Variants in GRAMD1B observed in about 807,000 individuals in gnomAD.
GRAMD1B encodes protein Aster-B.
In GRAMD1B, 37 loss-of-function variants were observed where a neutral mutation model predicts 99.7. That is an observed-to-expected ratio of 0.37 (90% CI 0.29 to 0.49). GRAMD1B has a LOEUF of 0.49. GRAMD1B is among the 20% of genes least tolerant of loss of function. The pLI, the probability that GRAMD1B is intolerant of heterozygous loss-of-function variation, is 0.98. For synonymous variants in GRAMD1B, 427 were observed against 387.6 expected, an observed-to-expected ratio of 1.10 and a Z score of -1.19; for missense variants, 888 against 1,009.2, an observed-to-expected ratio of 0.88 and a Z score of 1.63.
intron 1 of GRAMD1B, among the ~76,000 whole-genome samples, chr11:123,471,002 A>T (rs1329904408): frequency 6.6e-6 from 1 of 152,204 alleles, no homozygotes; most frequent in Non-Finnish European, 1.5e-5. Flanking sequence ...ATTTTTAATT[A>T]ATTTAAATTT....
rs1441106873 is a variant in GRAMD1B, at chr11:123,589,860, CA to C, written c.685-4221del. ...ATTACCAAGACTCCTAAGACAAAAG[CA>C]CCATTCCTAATCCTATGCGGGCCAA... On this transcript the variant is annotated intron_variant, in intron 4 of 19. Coordinates refer to ENST00000635736, the MANE Select transcript of GRAMD1B (RefSeq NM_001387025.1). Among the ~76,000 whole-genome samples, 8 of 152,170 alleles carry C rather than the reference CA, an allele frequency of 5.3e-5. No homozygotes were observed. The East Asian group carries it at 1.5e-3, about 29-fold the overall frequency.
At chr11:123,530,432 A>G (rs944406513) in intron 2 of GRAMD1B, among the ~76,000 whole-genome samples, 3 of 152,024 alleles carry the variant, frequency 2.0e-5, no homozygotes, top group African/African-American at 7.2e-5. Flanking sequence ...GGCTGGAGTG[A>G]AGTGGCGAGA....
intron 7 of GRAMD1B, among the ~76,000 whole-genome samples, chr11:123,596,483 A>G (rs756401284): frequency 5.9e-5 from 9 of 152,256 alleles, no homozygotes; most frequent in Admixed American, 3.3e-4. Context: ...GGAGTCTGAT[A>G]GAAAATGGAT....
intron 1 of GRAMD1B, among the ~76,000 whole-genome samples, chr11:123,436,759 T>G (rs1178316081): frequency 6.6e-6 from 1 of 152,220 alleles, no homozygotes; most frequent in Non-Finnish European, 1.5e-5. Context: ...CGGCACAATT[T>G]TTTTTTATTA....
intron 2 of GRAMD1B, among the ~76,000 whole-genome samples, chr11:123,513,582 C>T (rs1296436389): frequency 6.2e-4 from 40 of 64,060 alleles, no homozygotes; most frequent in African/African-American, 2.9e-3. Flanking sequence ...CCTTCCTTTC[C>T]TTCCTTCCTT....
Position 123,623,677 on chromosome 11 carries a change from A to C in GRAMD1B, c.*1082A>C, listed in dbSNP as rs971044214. 1 of 152,248 alleles carries C rather than the reference A, an allele frequency of 6.6e-6. No individual in the cohort carries two copies. The highest frequency in any genetic ancestry group is 2.4e-5 in the African/African-American group (1 of 41,452). The allele number at this position is 152,248 out of a possible 1,614,324, so 9.4% of individuals were successfully genotyped here. ...GGTTGCCAGCCTCATTTGCTCTTTGAACGAACCAACATTAGCCAGTGGAGA... is the reference window on the plus strand; with the variant it reads ...GGTTGCCAGCCTCATTTGCTCTTTGCACGAACCAACATTAGCCAGTGGAGA... On this transcript the variant is annotated 3_prime_UTR_variant, in exon 20 of 20. Transcript: ENST00000635736.
rs745391808 is a variant in GRAMD1B, at chr11:123,610,779, G to A, written c.1919+441G>A. ...ACCTGTGCTCTGTCCACCATGCTGC[G>A]TGGATTGCCATTAGTGTTAGACAGT... On this transcript the variant is annotated intron_variant, in intron 14 of 19. Transcript: ENST00000635736. This position sits in a 1 kb window ranked among gnomAD's most constrained non-coding sequence, Gnocchi z 4.1. Among the ~76,000 whole-genome samples, 4 of 152,298 alleles carry A rather than the reference G, an allele frequency of 2.6e-5. No individual in the cohort carries two copies. The highest frequency in any genetic ancestry group is 2.1e-4 in the South Asian group (1 of 4,822).
intron 2 of GRAMD1B, among the ~76,000 whole-genome samples, chr11:123,485,890 T>A (rs955464209): frequency 6.6e-6 from 1 of 151,940 alleles, no homozygotes; most frequent in East Asian, 1.9e-4. Flanking sequence ...AACTTTTGTA[T>A]TTTTTGGTAG....
chr11:123,511,512 G>C (rs1237735312), intron 2 of GRAMD1B, among the ~76,000 whole-genome samples: 1 of 152,140 alleles, frequency 6.6e-6, no homozygotes, highest in Non-Finnish European at 1.5e-5. Context: ...CAGACAAGGA[G>C]TTAGAGCCAT....
At chr11:123,517,291 A>G (rs1219653389) in intron 2 of GRAMD1B, among the ~76,000 whole-genome samples, 1 of 152,240 alleles carries the variant, frequency 6.6e-6, no homozygotes, top group Admixed American at 6.5e-5. Flanking sequence ...CAATGCAAAA[A>G]TATTCCCAAC....
At chr11:123,427,627 A>G (rs188228253), upstream of GRAMD1B, among the ~76,000 whole-genome samples, 20 of 152,364 alleles carry the variant, frequency 1.3e-4, no homozygotes, top group Non-Finnish European at 2.2e-4. Flanking sequence ...AAACAGCTGG[A>G]AAGGGCTGAA....
At chr11:123,578,487 A>T (rs537639764) in intron 3 of GRAMD1B, 39 of 1,236,148 alleles carry the variant, frequency 3.2e-5, no homozygotes, top group Non-Finnish European at 4.5e-5. Flanking sequence ...ATCTGTCTGT[A>T]GTGCTCAGCA....
rs747612717 is a variant in GRAMD1B, at chr11:123,619,154, A to T, written c.2474A>T (p.Gln825Leu). 6.4e-7 allele frequency: 1 copy of T among 1,571,398 alleles called. No individual in the cohort carries two copies. The highest frequency in any genetic ancestry group is 8.6e-7 in the Non-Finnish European group (1 of 1,158,170). The stretch of plus-strand genomic sequence containing the variant: ...TGGGCCCAGCTCTTAGAGTCCCAAC[A>T]AAAGTACCACGATACTGAGCTCCAA... ...TEWAQLLESQ[Q>L]KYHDTELQKW... Residue 825 changes from glutamine to leucine, a missense_variant, in exon 19 of 20, where the codon CAA becomes CTA. Gln to Leu is a moderately radical substitution (Grantham distance 113). Coordinates refer to ENST00000635736, the MANE Select transcript of GRAMD1B (RefSeq NM_001387025.1).
chr11:123,514,396 C>G (rs545517000), intron 2 of GRAMD1B, among the ~76,000 whole-genome samples: 2 of 152,248 alleles, frequency 1.3e-5, no homozygotes, highest in African/African-American at 4.8e-5. Context: ...CTTGGCCTTC[C>G]CTGGTCTCAG....
intron 2 of GRAMD1B, among the ~76,000 whole-genome samples, chr11:123,541,220 C>G (rs139214267): frequency 1.3e-5 from 2 of 152,266 alleles, no homozygotes; most frequent in East Asian, 3.9e-4. Context: ...AGGTGATCCA[C>G]CTGCCTCGGT....
At chr11:123,404,299 A>G (rs1335534289) in intron 1 of GRAMD1B, among the ~76,000 whole-genome samples, 3 of 152,188 alleles carry the variant, frequency 2.0e-5, no homozygotes, top group African/African-American at 7.2e-5. Context: ...GTAATCTTCT[A>G]TCATTTCTTT....
rs1253967974 is a variant in GRAMD1B at position 123,595,883 on chromosome 11, CCTGA to C, written c.874-56_874-53del. On this transcript the variant is annotated intron_variant, in intron 6 of 19. Transcript: ENST00000635736. ...ACTGGCGCCCCCTGAACACTGTTTA[CCTGA>C]CTTACTAATGCCCCACTTTGCTTGT... The C allele has an allele frequency of 9.7e-6, 9 of 924,350 alleles. No individual in the cohort carries two copies. In the East Asian group the frequency reaches 2.3e-4, roughly 24 times the overall value. The allele number at this position is 924,350 out of a possible 1,614,324, so 57.3% of individuals were successfully genotyped here. A position where few individuals can be genotyped will look rare whatever the true frequency, so the allele number is the denominator to read the frequency against.
At chr11:123,525,768 G>C in intron 2 of GRAMD1B, 1 of 287,754 alleles carries the variant, frequency 3.5e-6, no homozygotes, top group Non-Finnish European at 6.7e-6. Context: ...AGGTGAGGGT[G>C]GGGGGCAGCC....
At chr11:123,513,830 A>AT (rs2135347967) in intron 2 of GRAMD1B, among the ~76,000 whole-genome samples, 1 of 151,330 alleles carries the variant, frequency 6.6e-6, no homozygotes, top group East Asian at 1.9e-4. Flanking sequence ...CTAATTTTTT[A>AT]TTTTTTGTAG....
Sources: allele counts gnomAD v4.1 joint callset (sites outside exome capture counted in the v4.1 genomes callset), GRCh38; gene constraint gnomAD v4.1.1; non-coding constraint Gnocchi (gnomAD v3.1); transcripts MANE v1.5; gene names NCBI Gene and HGNC (gene_info 2026-07-23, HGNC 2026-07-21).